DOCK5: variants seen among roughly 807,000 people sequenced by gnomAD.
DOCK5 encodes dedicator of cytokinesis 5.
Under a neutral mutation model 251.8 loss-of-function variants are expected in DOCK5, and 142 were observed. The observed-to-expected ratio is 0.56, with a 90% CI of 0.49 to 0.65. The LOEUF is 0.65. Among genes scored for constraint, DOCK5 ranks in the 30% least tolerant of loss-of-function variants. The pLI is 0.00. For synonymous variants in DOCK5, 842 were observed against 835.5 expected (o/e 1.01, Z -0.13); for missense variants, 2,111 against 2,312.3 (o/e 0.91, Z 1.79).
At chr8:25,365,647 C>A (rs2117274889) in intron 30 of DOCK5, among the ~76,000 whole-genome samples, 1 of 152,238 alleles carries the variant, frequency 6.6e-6, no homozygotes, top group African/African-American at 2.4e-5. Context: ...CCAGTCTGAC[C>A]CTCCCACCAA....
chr8:25,245,446 C>G (rs1803073442), intron 2 of DOCK5, among the ~76,000 whole-genome samples: 1 of 152,052 alleles, frequency 6.6e-6, no homozygotes, highest in Non-Finnish European at 1.5e-5. Context: ...GCATATTTTC[C>G]TATTGTGCAG....
In DOCK5 at chr8:25,239,655, CG is replaced by C. The variant is rs375352954; in HGVS notation, c.44-4018del. 7.2e-5 allele frequency among the ~76,000 whole-genome samples: 11 copies of C among 152,102 alleles called. No homozygotes were observed. In the East Asian group the frequency reaches 1.7e-3, roughly 24 times the overall value. On this transcript the variant is annotated intron_variant, in intron 1 of 51. Transcript: ENST00000276440. Reference sequence around the variant, plus strand: ...CAGAGCATTTGCGTAAACCAGCAGACGAATGAAGGAGTTGAACTCCACTGGA... The same window carrying C: ...CAGAGCATTTGCGTAAACCAGCAGACAATGAAGGAGTTGAACTCCACTGGA...
intron 2 of DOCK5, among the ~76,000 whole-genome samples, chr8:25,246,128 T>C (rs1803100135): frequency 6.6e-6 from 1 of 152,218 alleles, no homozygotes; most frequent in South Asian, 2.1e-4. Flanking sequence ...TAACATGCTA[T>C]GTCTTACTCT....
intron 40 of DOCK5, among the ~76,000 whole-genome samples, chr8:25,384,025 C>T (rs910758029): frequency 7.9e-5 from 12 of 152,354 alleles, no homozygotes; most frequent in Admixed American, 2.6e-4. Flanking sequence ...ATCCAATCCA[C>T]GTGTCCCTGA....
intron 2 of DOCK5, among the ~76,000 whole-genome samples, chr8:25,245,321 G>T (rs1476681556): frequency 6.6e-6 from 1 of 152,160 alleles, no homozygotes; most frequent in African/African-American, 2.4e-5. Context: ...TTCCCAAAGT[G>T]CTGGGATTAC....
At chr8:25,186,631 G>A (rs1336964989) in intron 1 of DOCK5, among the ~76,000 whole-genome samples, 1 of 152,086 alleles carries the variant, frequency 6.6e-6, no homozygotes, top group South Asian at 2.1e-4. Flanking sequence ...CGCCTGCCTC[G>A]GCCTCCCAAA....
chr8:25,298,264 T>C (rs1804669243), intron 7 of DOCK5, among the ~76,000 whole-genome samples: 1 of 152,194 alleles, frequency 6.6e-6, no homozygotes, highest in Non-Finnish European at 1.5e-5. Flanking sequence ...AAACCACACC[T>C]GAAGGTAAAG....
Position 25,325,405 on chromosome 8 carries a change from C to T in DOCK5, c.1761C>T (p.Thr587=). ...KKMEDAKFYL[T]LPGTKMEMEE... Reference sequence around the variant, plus strand: ...TGGAAGATGCTAAATTCTACCTGACCCTGCCTGGAACCAAGATGGAGATGG... The same window carrying T: ...TGGAAGATGCTAAATTCTACCTGACTCTGCCTGGAACCAAGATGGAGATGG... The change falls in exon 18 of 52, where the codon ACC becomes ACT. Residue 587 remains threonine (T), a synonymous_variant. Coordinates refer to ENST00000276440, the MANE Select transcript of DOCK5 (RefSeq NM_024940.8). 6.2e-7 allele frequency: 1 copy of T among 1,613,852 alleles called. No individual in the cohort carries two copies. Among genetic ancestry groups the T allele is most frequent in the Non-Finnish European group, 8.5e-7 (1 of 1,179,848 alleles).
intron 1 of DOCK5, among the ~76,000 whole-genome samples, chr8:25,187,997 G>A (rs886570522): frequency 1.3e-5 from 2 of 152,192 alleles, no homozygotes; most frequent in African/African-American, 4.8e-5. Context: ...AGACCATTGT[G>A]GTTTTGTATT....
intron 5 of DOCK5, among the ~76,000 whole-genome samples, chr8:25,291,727 C>T (rs1461937368): frequency 6.9e-6 from 1 of 145,458 alleles, no homozygotes; most frequent in African/African-American, 2.6e-5. Flanking sequence ...GTGGCTCAAG[C>T]TTATAATCCC....
chr8:25,407,940 G>A lies in DOCK5; in HGVS notation c.5094-43G>A, dbSNP rs770643242. 1.9e-6 allele frequency: 3 copies of A among 1,558,006 alleles called. No homozygotes were observed. The African/African-American group carries it at 4.1e-5, about 21-fold the overall frequency. ...TTTCATAGTGAATTTTGATTGCAAG[G>A]TGATCAGTATTTGTGATGTTTGTCC... On this transcript the variant is annotated intron_variant, in intron 48 of 51. Coordinates refer to ENST00000276440, the MANE Select transcript of DOCK5 (RefSeq NM_024940.8).
rs115115813 is a variant in DOCK5, at chr8:25,326,526, T to C, written c.1903+979T>C. On this transcript the variant is annotated intron_variant, in intron 18 of 51. Transcript: ENST00000276440. ...TCCGTATGTGCAAGTAAAAGCATCC[T>C]CACCAAAAATGAAGCCAGAAACATA... Among the ~76,000 whole-genome samples, 423 of 152,216 alleles carry C rather than the reference T, an allele frequency of 2.8e-3. 1 individual carries two copies. The highest frequency in any genetic ancestry group is 9.8e-3 in the African/African-American group (406 of 41,540).
chr8:25,410,938 A>AAATGTGTGTGT (rs1801611864), intron 51 of DOCK5, among the ~76,000 whole-genome samples: 1 of 44,080 alleles, frequency 2.3e-5, no homozygotes, highest in Non-Finnish European at 5.3e-5. Flanking sequence ...AGAGAGAGAA[A>AAATGTGTGTGT]ATGTGTGTGT....
Position 25,310,405 on chromosome 8 carries a change from A to G in DOCK5, c.1193-2A>G. 1 of 1,602,064 alleles carries G rather than the reference A, an allele frequency of 6.2e-7. No homozygotes were observed. Among genetic ancestry groups the G allele is most frequent in the Non-Finnish European group, 8.5e-7 (1 of 1,176,758 alleles). ...AAACGTTTATCTTTTATTTCTTTTAAGGCCTTTGGGTATCCTTGAAGCTCT... is the reference window on the plus strand; with the variant it reads ...AAACGTTTATCTTTTATTTCTTTTAGGGCCTTTGGGTATCCTTGAAGCTCT... On this transcript the variant is annotated splice_acceptor_variant, in intron 12 of 51. Transcript: ENST00000276440. LOFTEE classifies it high-confidence loss of function.
chr8:25,318,111 T>C (rs1050009538), intron 14 of DOCK5, among the ~76,000 whole-genome samples: 16 of 151,712 alleles, frequency 1.1e-4, no homozygotes, highest in Admixed American at 3.3e-4. Flanking sequence ...TGTTGTTTGA[T>C]GGAGTCTTGC....
intron 2 of DOCK5, among the ~76,000 whole-genome samples, chr8:25,250,065 T>C (rs1391941299): frequency 6.6e-6 from 1 of 152,246 alleles, no homozygotes; most frequent in Non-Finnish European, 1.5e-5. Flanking sequence ...TATGTTTTCA[T>C]CTCTCTTGGG....
intron 15 of DOCK5, 67 bp downstream of exon 15, chr8:25,319,743 A>G: frequency 8.3e-7 from 1 of 1,197,804 alleles, no homozygotes; most frequent in Non-Finnish European, 1.2e-6. Flanking sequence ...TCTTCTGTTT[A>G]CCCCCAAATT....
intron 5 of DOCK5, among the ~76,000 whole-genome samples, chr8:25,289,229 A>T (rs1804420995): frequency 6.6e-6 from 1 of 152,152 alleles, no homozygotes; most frequent in Non-Finnish European, 1.5e-5. Context: ...TAGGATCGTC[A>T]TAGAAGGACA....
chr8:25,391,907 C>T lies in DOCK5; in HGVS notation c.4367C>T (p.Ala1456Val). The change falls in exon 43 of 52, where the codon GCC (alanine) becomes GTC (valine). Residue 1456 changes from alanine to valine, a missense_variant. Ala to Val is a moderately conservative substitution (Grantham distance 64). Transcript: ENST00000276440. ...TTGTCCTTCTCCAGCTACTACAGAG[C>T]CAATGAAGTGCAGCAGTTCAGATAC... ...VPEQILNYYR[A>V]NEVQQFRYSR... 1 of 1,613,744 alleles carries T rather than the reference C, an allele frequency of 6.2e-7. No individual in the cohort carries two copies. Among genetic ancestry groups the T allele is most frequent in the South Asian group, 1.1e-5 (1 of 91,040 alleles).
Sources: gnomAD v4.1 joint callset for allele counts (sites outside exome capture counted in the v4.1 genomes callset) on GRCh38, gnomAD v4.1.1 for gene constraint, MANE v1.5 for transcripts, NCBI Gene and HGNC (gene_info 2026-07-23, HGNC 2026-07-21) for gene names.